Variants in ASTN2 observed in about 807,000 individuals in gnomAD.
The protein encoded by ASTN2 is astrotactin-2.
Under a neutral mutation model 139.8 loss-of-function variants are expected in ASTN2, and 54 were observed. The observed-to-expected ratio is 0.39, with a 90% CI of 0.31 to 0.48. The LOEUF (loss-of-function observed/expected upper bound fraction) is 0.48, where lower values mean the gene tolerates loss of function less well. Among genes scored for constraint, ASTN2 ranks in the 20% least tolerant of loss-of-function variants. The probability of loss-of-function intolerance (pLI) is 0.95; values close to 1 mark genes in which losing one functional copy is unlikely to be tolerated. For missense variants in ASTN2, 1,565 were observed against 1,725.1 expected (o/e 0.91, Z 1.64); for synonymous variants, 756 against 719.5 (o/e 1.05, Z -0.81).
chr9:116,683,083 C>G (rs1015455524), intron 16 of ASTN2, among the ~76,000 whole-genome samples: 1 of 151,278 alleles, frequency 6.6e-6, no homozygotes, highest in African/African-American at 2.4e-5. Context: ...TGTGGCTGCC[C>G]TAAAATGTTT....
intron 12 of ASTN2, among the ~76,000 whole-genome samples, chr9:116,810,817 T>A (rs1831144421): frequency 6.6e-6 from 1 of 152,194 alleles, no homozygotes; most frequent in Admixed American, 6.5e-5. Flanking sequence ...TAAAATCCCC[T>A]GGGCTCGATG....
At chr9:117,347,564 TA>T (rs758778582) in intron 1 of ASTN2, among the ~76,000 whole-genome samples, 5 of 152,162 alleles carry the variant, frequency 3.3e-5, no homozygotes, top group Admixed American at 1.3e-4. Context: ...CACAGCTAGC[TA>T]GTAAGGCCTT....
intron 4 of ASTN2, among the ~76,000 whole-genome samples, chr9:117,101,816 A>G (rs1828985100): frequency 6.6e-6 from 1 of 152,196 alleles, no homozygotes; most frequent in Admixed American, 6.5e-5. Flanking sequence ...GAAAATGCAA[A>G]CCGAAACCAT....
chr9:116,589,985 C>T (rs1037911214), intron 19 of ASTN2, among the ~76,000 whole-genome samples: 16 of 152,238 alleles, frequency 1.1e-4, no homozygotes, highest in African/African-American at 3.9e-4. Flanking sequence ...CTGGGCTATG[C>T]ATACTCACTG....
intron 6 of ASTN2, among the ~76,000 whole-genome samples, chr9:117,038,038 C>A (rs1226864855): frequency 6.6e-6 from 1 of 152,106 alleles, no homozygotes; most frequent in African/African-American, 2.4e-5. Context: ...GATATAAGTT[C>A]TGAATGTATA....
intron 6 of ASTN2, among the ~76,000 whole-genome samples, chr9:117,036,801 C>G (rs1471607073): frequency 2.6e-5 from 4 of 152,154 alleles, no homozygotes; most frequent in Admixed American, 6.6e-5. Context: ...CGGGTGCTTT[C>G]CCACATGGTC....
chr9:117,136,834 C>A (rs778067282), intron 4 of ASTN2, among the ~76,000 whole-genome samples: 1 of 152,154 alleles, frequency 6.6e-6, no homozygotes, highest in African/African-American at 2.4e-5. Context: ...CTGGGCTAAG[C>A]ATCTCTTGGG....
intron 2 of ASTN2, among the ~76,000 whole-genome samples, chr9:117,279,712 A>G (rs1158313377): frequency 2.6e-5 from 4 of 152,200 alleles, no homozygotes; most frequent in Non-Finnish European, 4.4e-5. Context: ...CCCCAATGTC[A>G]ACATTTTTCA....
intron 5 of ASTN2, among the ~76,000 whole-genome samples, chr9:117,073,718 G>T (rs1035818965): frequency 6.6e-6 from 1 of 152,102 alleles, no homozygotes; most frequent in Non-Finnish European, 1.5e-5. Flanking sequence ...GACAACCACT[G>T]GGGGGTGCTC....
chr9:117,119,636 T>G (rs1829490314), intron 4 of ASTN2, among the ~76,000 whole-genome samples: 1 of 152,186 alleles, frequency 6.6e-6, no homozygotes, highest in Admixed American at 6.5e-5. Flanking sequence ...TGTCTGATTT[T>G]CAACAAATTA....
In ASTN2 at chr9:116,884,815, C is replaced by T. The variant is rs1420920716; in HGVS notation, c.1890-21082G>A. On this transcript the variant is annotated intron_variant, in intron 10 of 22. Transcript: ENST00000313400. ...TCTCCAAATATCCGCCCCCCCCCCA[C>T]CCACTTTTTTTTTTTTTTGAGACGG... Among the ~76,000 whole-genome samples, 5 of 125,392 alleles carry T rather than the reference C, an allele frequency of 4.0e-5. 1 individual carries two copies. The East Asian group carries it at 9.9e-4, about 25-fold the overall frequency. 82.3% of individuals were successfully genotyped at this position (125,392 alleles called of 152,430 possible). A position where few individuals can be genotyped will look rare whatever the true frequency, so the allele number is the denominator to read the frequency against.
intron 3 of ASTN2, among the ~76,000 whole-genome samples, chr9:117,188,615 G>T (rs1219119067): frequency 6.6e-6 from 1 of 152,152 alleles, no homozygotes. Flanking sequence ...TCCTGCCAAA[G>T]ATGTTAACCA....
chr9:116,486,585 C>T (rs1379515452), intron 20 of ASTN2, among the ~76,000 whole-genome samples: 2 of 152,184 alleles, frequency 1.3e-5, no homozygotes, highest in African/African-American at 4.8e-5. Flanking sequence ...TTCGTAACAA[C>T]TTCAGCTTTC....
At chr9:117,077,739 C>T (rs1439946584) in intron 5 of ASTN2, among the ~76,000 whole-genome samples, 4 of 152,138 alleles carry the variant, frequency 2.6e-5, no homozygotes, top group African/African-American at 9.7e-5. Flanking sequence ...CAGAGCAAGA[C>T]TCTGTCTAAA....
intron 2 of ASTN2, among the ~76,000 whole-genome samples, chr9:117,217,093 G>A (rs1024231928): frequency 3.3e-5 from 5 of 152,058 alleles, no homozygotes; most frequent in African/African-American, 9.7e-5. Flanking sequence ...GTTACTGAAC[G>A]GCAATTCTCA....
chr9:116,726,077 G>A (rs763474976), intron 15 of ASTN2, 127 bp from the exon 16 acceptor site: 190 of 783,490 alleles, frequency 2.4e-4, no homozygotes, highest in Non-Finnish European at 3.3e-4. Flanking sequence ...TGGCAGCTTG[G>A]TGGCTGCACT....
intron 13 of ASTN2, among the ~76,000 whole-genome samples, chr9:116,787,706 C>A (rs1010744905): frequency 3.3e-5 from 5 of 152,122 alleles, no homozygotes; most frequent in African/African-American, 1.2e-4. Context: ...ATTGCAATAG[C>A]CTTGAATAAA....
intron 11 of ASTN2, among the ~76,000 whole-genome samples, chr9:116,824,348 T>C (rs917141494): frequency 6.7e-6 from 1 of 150,100 alleles, no homozygotes; most frequent in African/African-American, 2.5e-5. Context: ...CTTCTAAAGG[T>C]AGATCATAAG....
intron 4 of ASTN2, among the ~76,000 whole-genome samples, chr9:117,115,341 A>T (rs542518140): frequency 6.6e-6 from 1 of 151,960 alleles, no homozygotes; most frequent in Non-Finnish European, 1.5e-5. Flanking sequence ...ACATGGTGAA[A>T]CCCTGTCTCT....
Sources: gnomAD v4.1 joint callset for allele counts (sites outside exome capture counted in the v4.1 genomes callset) on GRCh38, gnomAD v4.1.1 for gene constraint, MANE v1.5 for transcripts, NCBI Gene and HGNC (gene_info 2026-07-23, HGNC 2026-07-21) for gene names.